Variants in FAM78B observed in about 807,000 individuals in gnomAD.
FAM78B encodes family with sequence similarity 78 member B, also known as protein FAM78B.
A neutral mutation model predicts 20.0 loss-of-function variants in FAM78B; 10 were observed. That is an observed-to-expected ratio of 0.50 (90% CI 0.31 to 0.85). The LOEUF is 0.85. Among genes scored for constraint, FAM78B ranks in the 40% least tolerant of loss-of-function variants. FAM78B has a pLI of 0.05. For missense variants in FAM78B, 283 were observed against 345.0 expected, an observed-to-expected ratio of 0.82 and a Z score of 1.42; for synonymous variants, 135 against 132.8, an observed-to-expected ratio of 1.02 and a Z score of -0.12.
chr1:166,095,775 T>C (rs1215646433), intron 1 of FAM78B, among the ~76,000 whole-genome samples: 2 of 151,968 alleles, frequency 1.3e-5, no homozygotes, highest in East Asian at 1.9e-4. Context: ...GGGACCTGAG[T>C]AGATGAACAA....
chr1:166,156,235 G>A (rs1165754813), intron 1 of FAM78B, among the ~76,000 whole-genome samples: 7 of 152,210 alleles, frequency 4.6e-5, no homozygotes, highest in African/African-American at 1.7e-4. Flanking sequence ...TATTTATCTT[G>A]TTTTAATCTG....
chr1:166,149,202 T>C (rs1655587763), intron 1 of FAM78B, among the ~76,000 whole-genome samples: 1 of 152,170 alleles, frequency 6.6e-6, no homozygotes, highest in Non-Finnish European at 1.5e-5. Flanking sequence ...TAGTTCTAGA[T>C]CCCTGAGGAA....
At chr1:166,124,870 G>A (rs1025513448) in intron 1 of FAM78B, among the ~76,000 whole-genome samples, 3 of 152,222 alleles carry the variant, frequency 2.0e-5, no homozygotes, top group Non-Finnish European at 4.4e-5. Flanking sequence ...GTCAGTCCCA[G>A]GTTGGCTGCA....
At chr1:166,116,068 C>T (rs190891345) in intron 1 of FAM78B, among the ~76,000 whole-genome samples, 2 of 152,224 alleles carry the variant, frequency 1.3e-5, no homozygotes, top group Admixed American at 6.5e-5. Flanking sequence ...CCTCTCCTTG[C>T]ACCCAGCAAA....
chr1:166,069,970 T>G lies in FAM78B; in HGVS notation c.*271A>C. 8.5e-7 allele frequency: 1 copy of G among 1,171,598 alleles called. No homozygotes were observed. The highest frequency in any genetic ancestry group is 4.3e-5 in the South Asian group (1 of 23,522). The allele number at this position is 1,171,598 out of a possible 1,614,324, so 72.6% of individuals were successfully genotyped here. On this transcript the variant is annotated 3_prime_UTR_variant, in exon 2 of 2. Transcript: ENST00000354422. ...AATAGTTCAGATAAAAGAATCATCC[T>G]GGTCAGCTCCAAAATATGGCTACTT...
chr1:166,117,932 A>C (rs896941679), intron 1 of FAM78B, among the ~76,000 whole-genome samples: 2 of 152,102 alleles, frequency 1.3e-5, no homozygotes, highest in African/African-American at 4.8e-5. Context: ...AAGGGTGAGC[A>C]AACCCGACAT....
At chr1:166,165,533 C>T (rs539135383) in intron 1 of FAM78B, among the ~76,000 whole-genome samples, 11 of 152,288 alleles carry the variant, frequency 7.2e-5, no homozygotes, top group African/African-American at 2.4e-4. Context: ...ACCTGCTCTT[C>T]CAAGCCCGCT....
chr1:166,126,684 C>T (rs2101774062), intron 1 of FAM78B, among the ~76,000 whole-genome samples: 1 of 152,156 alleles, frequency 6.6e-6, no homozygotes, highest in Middle Eastern at 3.4e-3. Context: ...TGAGGGGCCA[C>T]ATCATATGGG....
At chr1:166,153,264 C>T (rs925704746) in intron 1 of FAM78B, among the ~76,000 whole-genome samples, 13 of 152,194 alleles carry the variant, frequency 8.5e-5, no homozygotes, top group Admixed American at 3.3e-4. Context: ...AGAGGGGGAG[C>T]ACAAGTCAGG....
At chr1:166,090,362 C>T (rs750604675) in intron 1 of FAM78B, among the ~76,000 whole-genome samples, 7 of 152,116 alleles carry the variant, frequency 4.6e-5, no homozygotes, top group South Asian at 2.1e-4. Flanking sequence ...TCTCAGGTTC[C>T]GGACAGGCAG....
chr1:166,143,450 T>A (rs774523338), intron 1 of FAM78B, among the ~76,000 whole-genome samples: 1 of 152,192 alleles, frequency 6.6e-6, no homozygotes, highest in Non-Finnish European at 1.5e-5. Context: ...GAGATGTTTC[T>A]GGTTCCCTAT....
intron 1 of FAM78B, among the ~76,000 whole-genome samples, chr1:166,121,347 CCT>C (rs1654460053): frequency 1.3e-5 from 2 of 152,096 alleles, no homozygotes; most frequent in Admixed American, 6.5e-5. Context: ...CTCTTGGACC[CCT>C]GAGGGTTCAC....
At chr1:166,120,930 A>G (rs932702930) in intron 1 of FAM78B, among the ~76,000 whole-genome samples, 6 of 152,232 alleles carry the variant, frequency 3.9e-5, no homozygotes. Flanking sequence ...GCCAAAGTGG[A>G]GAAGTGTGAA....
At chr1:166,125,747 A>G (rs892681053) in intron 1 of FAM78B, among the ~76,000 whole-genome samples, 2 of 151,860 alleles carry the variant, frequency 1.3e-5, no homozygotes, top group Non-Finnish European at 1.5e-5. Context: ...TACCTATAAC[A>G]CTGAATACGA....
downstream of FAM78B, among the ~76,000 whole-genome samples, chr1:166,065,609 GC>G (rs1022665599): frequency 7.2e-5 from 11 of 152,188 alleles, 1 homozygote; most frequent in Admixed American, 7.2e-4. Flanking sequence ...TCTGTCATGG[GC>G]AGGTGCACCG....
rs948048648 is a variant in FAM78B at position 166,070,681 on chromosome 1, C to T, written c.346G>A (p.Gly116Arg). The stretch of plus-strand genomic sequence containing the variant: ...AGGGTCACAGTTTCTGTGGTGTTCC[C>T]GTACCAAGGGTAGCTCACCCCATCT... ...DSDGVSYPWY[G>R]NTTETVTLVG... Residue 116 changes from glycine to arginine, a missense_variant, in exon 2 of 2, where the codon GGG becomes AGG. By Grantham distance (125) the Gly-to-Arg change is moderately radical. Transcript: ENST00000354422. The T allele has an allele frequency of 3.7e-6, 6 of 1,613,324 alleles. No individual in the cohort carries two copies. The highest frequency in any genetic ancestry group is 2.7e-5 in the African/African-American group (2 of 74,892).
intron 1 of FAM78B, among the ~76,000 whole-genome samples, chr1:166,144,242 C>T (rs948578664): frequency 1.3e-5 from 2 of 152,074 alleles, no homozygotes; most frequent in African/African-American, 4.8e-5. Flanking sequence ...CAGATCCCTG[C>T]TCAGGCATTT....
chr1:166,137,836 T>C (rs1313497384), intron 1 of FAM78B, among the ~76,000 whole-genome samples: 2 of 152,186 alleles, frequency 1.3e-5, no homozygotes, highest in Admixed American at 1.3e-4. Flanking sequence ...TCTGCTTCAA[T>C]TGCTCCATAC....
chr1:166,068,839 G>T (rs1557886935), downstream of FAM78B, among the ~76,000 whole-genome samples: 1 of 152,092 alleles, frequency 6.6e-6, no homozygotes, highest in Non-Finnish European at 1.5e-5. Flanking sequence ...AAAGGGAAAA[G>T]CTCTTTTTTT....
Sources: allele counts gnomAD v4.1 joint callset (sites outside exome capture counted in the v4.1 genomes callset), GRCh38; gene constraint gnomAD v4.1.1; transcripts MANE v1.5; gene names NCBI Gene and HGNC (gene_info 2026-07-23, HGNC 2026-07-21).